Variants in CD81 observed in about 807,000 individuals in gnomAD.
CD81 encodes CD81 antigen.
CD81 carries 10 observed loss-of-function variants against 30.1 expected under a neutral mutation model. The observed-to-expected ratio is 0.33, with a 90% CI of 0.21 to 0.56. CD81 has a LOEUF of 0.56. Ranked by LOEUF, CD81 falls within the 20% of genes least tolerant of loss-of-function variation. CD81 has a pLI of 0.89. For missense variants in CD81, 263 were observed against 308.7 expected (o/e 0.85, Z 1.11); for synonymous variants, 147 against 126.4 (o/e 1.16, Z -1.10).
chr11:2,382,834 A>C (rs1165865187), intron 1 of CD81, among the ~76,000 whole-genome samples: 2 of 152,212 alleles, frequency 1.3e-5, no homozygotes, highest in East Asian at 3.9e-4. Context: ...GGCCCAGAAC[A>C]GTCCTGATCC....
At chr11:2,390,748 A>C (rs1676494853) in intron 2 of CD81, among the ~76,000 whole-genome samples, 1 of 152,110 alleles carries the variant, frequency 6.6e-6, no homozygotes, top group South Asian at 2.1e-4. Context: ...GGTGGCAGCT[A>C]GGCCTGGGCA....
At chr11:2,385,282 C>T (rs1334044749) in intron 1 of CD81, among the ~76,000 whole-genome samples, 2 of 152,238 alleles carry the variant, frequency 1.3e-5, no homozygotes, top group Non-Finnish European at 1.5e-5. Context: ...AATTTATACC[C>T]CCGTGAAACC....
Position 2,394,989 on chromosome 11 carries a change from C to A in CD81, c.297C>A (p.Val99=). The stretch of plus-strand genomic sequence containing the variant: ...GGCTCCAGTTCTTCACCTGCCTGGT[C>A]ATCCTGTTTGCCTGTGAGGTGGCCG... ...CLLGTFFTCL[V]ILFACEVAAG... Residue 99 remains valine, a synonymous_variant, in exon 4 of 8, where the codon GTC becomes GTA. Transcript: ENST00000263645. 6.2e-7 allele frequency: 1 copy of A among 1,612,780 alleles called. No homozygotes were observed. Among genetic ancestry groups the A allele is most frequent in the South Asian group, 1.1e-5 (1 of 91,050 alleles).
chr11:2,383,250 C>A (rs1225717148), intron 1 of CD81, among the ~76,000 whole-genome samples: 4 of 152,188 alleles, frequency 2.6e-5, no homozygotes, highest in African/African-American at 9.7e-5. Flanking sequence ...CCCCTGGAGG[C>A]CACAACGGGG....
In CD81 at chr11:2,396,530, T is replaced by C. The variant is rs1046743096; in HGVS notation, c.562-98T>C. 3.9e-4 allele frequency: 422 copies of C among 1,072,130 alleles called. 5 individuals are homozygous for C. The highest frequency in any genetic ancestry group is 3.7e-3 in the South Asian group (300 of 80,250). The allele number at this position is 1,072,130 out of a possible 1,614,324, so 66.4% of individuals were successfully genotyped here. A position where few individuals can be genotyped will look rare whatever the true frequency, so the allele number is the denominator to read the frequency against. On this transcript the variant is annotated intron_variant, in intron 6 of 7. Coordinates refer to ENST00000263645, the MANE Select transcript of CD81 (RefSeq NM_004356.4). Reference sequence around the variant, plus strand: ...TGGGGGGCTGTTCCCAGGATTCCCCTCTACGCTTTCTGTGGTGACCACGGA... The same window carrying C: ...TGGGGGGCTGTTCCCAGGATTCCCCCCTACGCTTTCTGTGGTGACCACGGA...
At position 2,396,906 on chromosome 11, in the gene CD81, C is replaced by G. The variant is rs10645; in HGVS notation, c.*40C>G. On this transcript the variant is annotated 3_prime_UTR_variant, in exon 8 of 8. Transcript: ENST00000263645. ...GGCCACAGGGACCTCTGCAGTGCCC[C>G]CTAAGTGACCCGGACACTTCCGAGG... The G allele has an allele frequency of 0.015, 23,491 of 1,592,282 alleles. 214 individuals carry two copies. The highest frequency in any genetic ancestry group is 0.018 in the Non-Finnish European group (21,181 of 1,163,118).
intron 1 of CD81, among the ~76,000 whole-genome samples, chr11:2,381,408 C>A (rs547951569): frequency 6.6e-6 from 1 of 152,320 alleles, no homozygotes; most frequent in South Asian, 2.1e-4. Context: ...GAGGGTCCTT[C>A]TCCTGCACCC....
chr11:2,381,992 A>G (rs1849712327), intron 1 of CD81, among the ~76,000 whole-genome samples: 1 of 152,190 alleles, frequency 6.6e-6, no homozygotes, highest in Non-Finnish European at 1.5e-5. Flanking sequence ...GGCCCAAACT[A>G]AGCCCCCCAA....
Position 2,395,822 on chromosome 11 carries a change from C to T in CD81, c.460-47C>T, listed in dbSNP as rs769509531. 7 of 1,314,018 alleles carry T rather than the reference C, an allele frequency of 5.3e-6. No homozygotes were observed. The African/African-American group carries it at 8.7e-5, about 16-fold the overall frequency. The allele number at this position is 1,314,018 out of a possible 1,614,324, so 81.4% of individuals were successfully genotyped here. The stretch of plus-strand genomic sequence containing the variant: ...CCCATGGGTTCCCTAGAGCCACCGT[C>T]CCCCTGGGCACATCCAGGGCTGACC... On this transcript the variant is annotated intron_variant, in intron 5 of 7. Transcript: ENST00000263645.
chr11:2,396,807 T>C lies in CD81; in HGVS notation c.652T>C (p.Phe218Leu). The C allele has an allele frequency of 6.2e-7, 1 of 1,612,750 alleles. No homozygotes were observed. The highest frequency in any genetic ancestry group is 8.5e-7 in the Non-Finnish European group (1 of 1,180,002). The change falls in exon 8 of 8, where the codon TTC becomes CTC. Residue 218 changes from phenylalanine (F) to leucine (L), a missense_variant. Around this residue, in one of 3 missense-constraint regions of CD81, gnomAD observed 176 missense variants for 192.9 expected, o/e 0.91. Coordinates refer to ENST00000263645, the MANE Select transcript of CD81 (RefSeq NM_004356.4). ...GCCCCCCACCACCCTCCTGCAGATC[T>C]TCGAGATGATCCTGAGCATGGTGCT... ...AAIVVAVIMI[F>L]EMILSMVLCC...
intron 1 of CD81, among the ~76,000 whole-genome samples, chr11:2,383,382 A>G (rs528819973): frequency 1.3e-4 from 20 of 152,246 alleles, no homozygotes; most frequent in South Asian, 8.3e-4. Flanking sequence ...CTTGGTGGGC[A>G]GAGAGTGAGG....
chr11:2,376,995 G>C (rs1025016120), upstream of CD81: 3 of 152,368 alleles, frequency 2.0e-5, no homozygotes, highest in South Asian at 2.1e-4. Context: ...TTGTTCTCCC[G>C]GCACCGGGGC....
At chr11:2,396,204 G>T (rs977823990) in intron 6 of CD81, 8 of 603,958 alleles carry the variant, frequency 1.3e-5, no homozygotes, top group Admixed American at 1.0e-4. Context: ...GCTCTGGGGG[G>T]TGGGAACTCA....
intron 1 of CD81, among the ~76,000 whole-genome samples, chr11:2,384,387 G>T (rs1164028167): frequency 2.2e-5 from 3 of 134,528 alleles, no homozygotes; most frequent in African/African-American, 8.4e-5. Flanking sequence ...TTCCTGGGGT[G>T]GGGCGTCTCG....
chr11:2,381,641 C>T (rs770489424), intron 1 of CD81, among the ~76,000 whole-genome samples: 1 of 152,230 alleles, frequency 6.6e-6, no homozygotes, highest in Admixed American at 6.5e-5. Flanking sequence ...TTGTACCCAC[C>T]GTGGTTTTAG....
Position 2,393,338 on chromosome 11 carries a change from C to T in CD81, c.182-757C>T, listed in dbSNP as rs188235928. 43 of 155,566 alleles carry T rather than the reference C, an allele frequency of 2.8e-4. No homozygotes were observed. The East Asian group carries it at 4.4e-3, about 16-fold the overall frequency. 9.6% of individuals were successfully genotyped at this position (155,566 alleles called of 1,614,324 possible). A position where few individuals can be genotyped will look rare whatever the true frequency, so the allele number is the denominator to read the frequency against. ...CAGTGCGCCCCCCACCCTTGGACGGCGCCTTCTCCCTCCCCAGGTGCATGC... is the reference window on the plus strand; with the variant it reads ...CAGTGCGCCCCCCACCCTTGGACGGTGCCTTCTCCCTCCCCAGGTGCATGC... On this transcript the variant is annotated intron_variant, in intron 2 of 7. Transcript: ENST00000263645.
intron 1 of CD81, among the ~76,000 whole-genome samples, chr11:2,383,042 C>T (rs941964719): frequency 2.6e-5 from 4 of 152,202 alleles, no homozygotes; most frequent in Non-Finnish European, 4.4e-5. Context: ...AGCATGTGTG[C>T]GTCCTCCTGG....
chr11:2,395,474 A>G lies in CD81; in HGVS notation c.413A>G (p.Asp138Gly), dbSNP rs1169610107. 4 of 1,612,752 alleles carry G rather than the reference A, an allele frequency of 2.5e-6. No individual in the cohort carries two copies. The highest frequency in any genetic ancestry group is 3.3e-5 in the Admixed American group (2 of 60,016). Residue 138 changes from aspartate to glycine, a missense_variant, in exon 5 of 8, where the codon GAT (aspartate) becomes GGT (glycine). Transcript: ENST00000263645. Reference sequence around the variant, plus strand: ...GCCCTACAGCAGGCCGTGGTGGATGATGACGCCAACAACGCCAAGGCTGTG... The same window carrying G: ...GCCCTACAGCAGGCCGTGGTGGATGGTGACGCCAACAACGCCAAGGCTGTG... Reference protein sequence around the residue: ...DQALQQAVVDDDANNAKAVVK... With the variant: ...DQALQQAVVDGDANNAKAVVK...
chr11:2,395,344 C>T, intron 4 of CD81, 72 bp from the exon 5 acceptor site: 1 of 1,273,812 alleles, frequency 7.9e-7, no homozygotes, highest in Admixed American at 1.8e-5. Flanking sequence ...AGTGCGTCCG[C>T]CTGGGGCGGG....
Sources: allele counts gnomAD v4.1 joint callset (sites outside exome capture counted in the v4.1 genomes callset), GRCh38; gene constraint gnomAD v4.1.1; regional missense constraint gnomAD v4.1.1; transcripts MANE v1.5; gene names NCBI Gene and HGNC (gene_info 2026-07-23, HGNC 2026-07-21).